PMPCA: variants seen among roughly 807,000 people sequenced by gnomAD.
PMPCA encodes mitochondrial-processing peptidase subunit alpha.
PMPCA carries 47 observed loss-of-function variants against 59.3 expected under a neutral mutation model. The observed-to-expected ratio is 0.79, with a 90% CI of 0.63 to 1.01. PMPCA has a LOEUF of 1.01. PMPCA is among the 50% of genes least tolerant of loss of function. The pLI, the probability that PMPCA is intolerant of heterozygous loss-of-function variation, is 0.00. For synonymous variants in PMPCA, 338 were observed against 290.3 expected (o/e 1.16, Z -1.67); for missense variants, 726 against 704.5 (o/e 1.03, Z -0.34).
At chr9:136,422,052 A>C (rs1462501299) in intron 12 of PMPCA, 76 bp downstream of exon 12, 3 of 1,551,898 alleles carry the variant, frequency 1.9e-6, no homozygotes, top group Non-Finnish European at 2.6e-6. Flanking sequence ...GCCCTCCCGC[A>C]GGCCGTGGTG....
intron 1 of PMPCA, among the ~76,000 whole-genome samples, chr9:136,411,645 G>A (rs1835120699): frequency 6.6e-6 from 1 of 152,252 alleles, no homozygotes; most frequent in Non-Finnish European, 1.5e-5. Flanking sequence ...TTCGGACCAG[G>A]TTAATAAGGG....
At chr9:136,416,875 G>T (rs1835291085) in intron 6 of PMPCA, 76 bp from the exon 7 acceptor site, 4 of 1,422,438 alleles carry the variant, frequency 2.8e-6, no homozygotes, top group Non-Finnish European at 2.9e-6. Context: ...CTGCAGATGG[G>T]CGCTGGTGCT....
intron 4 of PMPCA, among the ~76,000 whole-genome samples, chr9:136,413,946 A>G (rs1835203098): frequency 6.6e-6 from 1 of 152,080 alleles, no homozygotes; most frequent in Middle Eastern, 3.2e-3. Context: ...CCTTGATCAC[A>G]CTTGATCTCA....
In PMPCA at chr9:136,418,848, C is replaced by A; in HGVS notation, c.1130C>A (p.Ala377Glu). Residue 377 changes from alanine to glutamate, a missense_variant, in exon 10 of 13, where the codon GCG becomes GAG. Physicochemically the swap from Ala to Glu is moderately radical, Grantham distance 107. Coordinates refer to ENST00000371717, the MANE Select transcript of PMPCA (RefSeq NM_015160.3). ...VLNRHHWMYN[A>E]TSYHHSYEDT... is the part of the protein sequence containing the mutation. Reference sequence around the variant, plus strand: ...CCCAGGCACCACTGGATGTATAACGCGACCTCCTACCACCACAGCTACGAG... The same window carrying A: ...CCCAGGCACCACTGGATGTATAACGAGACCTCCTACCACCACAGCTACGAG... The A allele has an allele frequency of 1.2e-6, 2 of 1,612,730 alleles. No individual in the cohort carries two copies. The highest frequency in any genetic ancestry group is 1.7e-6 in the Non-Finnish European group (2 of 1,179,588).
chr9:136,411,595 G>T (rs528448042), intron 1 of PMPCA, among the ~76,000 whole-genome samples: 1 of 152,206 alleles, frequency 6.6e-6, no homozygotes, highest in African/African-American at 2.4e-5. Flanking sequence ...TTCAAGAGAT[G>T]AGTTTGGAGA....
intron 5 of PMPCA, chr9:136,415,963 T>TG: frequency 2.7e-6 from 1 of 373,854 alleles, no homozygotes. Flanking sequence ...CCTTCATGTC[T>TG]GGTCTCGTGT....
At position 136,423,111 on chromosome 9, in the gene PMPCA, A is replaced by T. The variant is rs564293153; in HGVS notation, c.1425A>T (p.Glu475Asp). The T allele has an allele frequency of 1.2e-4, 193 of 1,613,080 alleles. No homozygotes were observed. The South Asian group carries it at 2.0e-3, about 17-fold the overall frequency. Residue 475 changes from glutamate to aspartate, a missense_variant, in exon 13 of 13, where the codon GAA (glutamate) becomes GAT (aspartate). Physicochemically the swap from Glu to Asp is conservative, Grantham distance 45 (BLOSUM62 2). Coordinates refer to ENST00000371717, the MANE Select transcript of PMPCA (RefSeq NM_015160.3). ...CTGCACTAGGCAACGTGAAGCCGGA[A>T]GATGTGAAGAGAGTCGCTTCTAAGA... ...LCTLIRNVKP[E>D]DVKRVASKML... is the part of the protein sequence containing the mutation.
chr9:136,417,158 G>T lies in PMPCA; in HGVS notation c.841G>T (p.Ala281Ser), dbSNP rs780572652. 2 of 1,611,560 alleles carry T rather than the reference G, an allele frequency of 1.2e-6. No homozygotes were observed. The highest frequency in any genetic ancestry group is 2.2e-5 in the South Asian group (2 of 90,992). ...GGGGGTCCAGCCGGCCTGGGGGAGC[G>T]CAGAGGCCGTGGATATTGACAGATC... The part of the protein sequence containing the change: ...LLGVQPAWGS[A>S]EAVDIDRSVA... The change falls in exon 7 of 13, where the codon GCA (alanine) becomes TCA (serine). Residue 281 changes from alanine to serine, a missense_variant. Transcript: ENST00000371717.
chr9:136,412,860 G>A lies in PMPCA; in HGVS notation c.405G>A (p.Lys135=). 4 of 1,609,262 alleles carry A rather than the reference G, an allele frequency of 2.5e-6. No homozygotes were observed. The highest frequency in any genetic ancestry group is 2.2e-5 in the East Asian group (1 of 44,858). The stretch of plus-strand genomic sequence containing the variant: ...ATGAAATTCTGCTTACGTTGGAAAA[G>A]CATGGGGGTATCTGTGACTGCCAGA... ...SKDEILLTLE[K]HGGICDCQTS... is the part of the protein sequence containing the mutation. Residue 135 remains lysine, a synonymous_variant, in exon 4 of 13, where the codon AAG becomes AAA. Coordinates refer to ENST00000371717, the MANE Select transcript of PMPCA (RefSeq NM_015160.3).
At position 136,423,646 on chromosome 9, in the gene PMPCA, T is replaced by G; in HGVS notation, c.*382T>G. 4.5e-6 allele frequency: 1 copy of G among 219,780 alleles called. No individual in the cohort carries two copies. The highest frequency in any genetic ancestry group is 9.3e-6 in the Non-Finnish European group (1 of 107,914). The allele number at this position is 219,780 out of a possible 1,614,324, so 13.6% of individuals were successfully genotyped here. A position where few individuals can be genotyped will look rare whatever the true frequency, so the allele number is the denominator to read the frequency against. Reference sequence around the variant, plus strand: ...GCCTCCCGGAGGCCACCGTGCTGGGTACCAGGACTCACCTCTGACAAGCAG... The same window carrying G: ...GCCTCCCGGAGGCCACCGTGCTGGGGACCAGGACTCACCTCTGACAAGCAG... On this transcript the variant is annotated 3_prime_UTR_variant, in exon 13 of 13. Transcript: ENST00000371717.
intron 5 of PMPCA, among the ~76,000 whole-genome samples, chr9:136,415,524 C>A (rs1835249285): frequency 6.6e-6 from 1 of 152,194 alleles, no homozygotes; most frequent in South Asian, 2.1e-4. Flanking sequence ...TTTCCAGATA[C>A]CCTAAGGGTG....
Position 136,416,420 on chromosome 9 carries a change from G to T in PMPCA, c.633+29G>T, listed in dbSNP as rs369879456. ...AAATGTCAAACTCGAGAATGCCCCC[G>T]CATCTCGAACAGTGGTCCTCGGGAC... is the stretch of plus-strand genomic sequence containing the variant. On this transcript the variant is annotated intron_variant, in intron 6 of 12. Transcript: ENST00000371717. The T allele has an allele frequency of 1.0e-5, 15 of 1,482,248 alleles. No individual in the cohort carries two copies. The South Asian group carries it at 1.2e-4, about 12-fold the overall frequency. 91.8% of individuals were successfully genotyped at this position (1,482,248 alleles called of 1,614,324 possible).
chr9:136,410,906 C>G (rs1835081844), intron 1 of PMPCA, among the ~76,000 whole-genome samples, 167 bp downstream of exon 1: 1 of 152,266 alleles, frequency 6.6e-6, no homozygotes, highest in Admixed American at 6.5e-5. Flanking sequence ...CTTTGCGCCT[C>G]GAGCCCGGGG....
chr9:136,422,230 A>G (rs1809973206), intron 12 of PMPCA: 9 of 1,436,708 alleles, frequency 6.3e-6, no homozygotes, highest in Non-Finnish European at 8.3e-6. Context: ...CACCCCTGGG[A>G]GGGGCTGTCA....
intron 11 of PMPCA, chr9:136,419,850 G>A (rs1336307804): frequency 5.3e-5 from 8 of 152,322 alleles, no homozygotes; most frequent in Admixed American, 5.2e-4. Context: ...CCAAGGTGCT[G>A]GGATTACAAT....
chr9:136,410,779 G>A (rs201338209), intron 1 of PMPCA, 40 bp downstream of exon 1: 3 of 1,365,912 alleles, frequency 2.2e-6, no homozygotes, highest in East Asian at 5.6e-5. Flanking sequence ...TGGGGCGGGG[G>A]CGGCTCGAGT....
Position 136,416,405 on chromosome 9 carries a change from C to G in PMPCA, c.633+14C>G. 1 of 1,565,044 alleles carries G rather than the reference C, an allele frequency of 6.4e-7. No homozygotes were observed. The highest frequency in any genetic ancestry group is 8.8e-7 in the Non-Finnish European group (1 of 1,135,354). On this transcript the variant is annotated intron_variant, in intron 6 of 12. Coordinates refer to ENST00000371717, the MANE Select transcript of PMPCA (RefSeq NM_015160.3). ...ATGATTCATGAAGTAAAATGTCAAA[C>G]TCGAGAATGCCCCCGCATCTCGAAC...
chr9:136,415,142 A>G (rs999657964), intron 5 of PMPCA, among the ~76,000 whole-genome samples: 7 of 152,178 alleles, frequency 4.6e-5, no homozygotes, highest in Non-Finnish European at 7.3e-5. Context: ...GTGCTGGCTC[A>G]CGCCTGTAAT....
intron 5 of PMPCA, 24 bp from the exon 6 acceptor site, chr9:136,416,267 C>T: frequency 6.4e-7 from 1 of 1,559,584 alleles, no homozygotes. Flanking sequence ...CAGACTCAGC[C>T]CTGGCCTTTG....
Sources: allele counts gnomAD v4.1 joint callset (sites outside exome capture counted in the v4.1 genomes callset), GRCh38; gene constraint gnomAD v4.1.1; transcripts MANE v1.5; gene names NCBI Gene and HGNC (gene_info 2026-07-23, HGNC 2026-07-21).